Variants in AHCTF1 observed in about 807,000 individuals in gnomAD.
The protein encoded by AHCTF1 is protein ELYS.
In AHCTF1, 24 loss-of-function variants were observed where a neutral mutation model predicts 248.4. The ratio of observed to expected loss-of-function variants is 0.10; its 90% CI spans 0.07 to 0.14. The LOEUF (loss-of-function observed/expected upper bound fraction) is 0.14, where lower values mean the gene tolerates loss of function less well. Ranked by LOEUF, AHCTF1 falls within the 10% of genes least tolerant of loss-of-function variation. The pLI is 1.00. For synonymous variants in AHCTF1, 786 were observed against 929.8 expected, an observed-to-expected ratio of 0.85 and a Z score of 2.81; for missense variants, 2,206 against 2,636.2, an observed-to-expected ratio of 0.84 and a Z score of 3.57.
chr1:246,914,621 GTGAT>G (rs955492783), intron 3 of AHCTF1, among the ~76,000 whole-genome samples: 7 of 152,196 alleles, frequency 4.6e-5, no homozygotes, highest in Non-Finnish European at 1.0e-4. Flanking sequence ...ACTATATGAA[GTGAT>G]TAATACTATT....
intron 13 of AHCTF1, among the ~76,000 whole-genome samples, chr1:246,895,196 T>C (rs894370575): frequency 1.3e-5 from 2 of 152,150 alleles, no homozygotes; most frequent in African/African-American, 4.8e-5. Context: ...ATAAAGGACA[T>C]TACTGGGATT....
chr1:246,899,244 A>G (rs1664827134), intron 11 of AHCTF1, among the ~76,000 whole-genome samples: 1 of 152,172 alleles, frequency 6.6e-6, no homozygotes, highest in Admixed American at 6.5e-5. Flanking sequence ...ATCTACATAA[A>G]TTAGTTGCTA....
intron 24 of AHCTF1, among the ~76,000 whole-genome samples, chr1:246,873,579 G>A (rs969720040): frequency 2.6e-5 from 4 of 152,110 alleles, no homozygotes; most frequent in African/African-American, 9.6e-5. Context: ...CAATACACTA[G>A]TCAATTTCTC....
At chr1:246,911,795 A>T (rs1312125227) in intron 4 of AHCTF1, among the ~76,000 whole-genome samples, 1 of 151,034 alleles carries the variant, frequency 6.6e-6, no homozygotes, top group Non-Finnish European at 1.5e-5. Context: ...TTCTATTAAG[A>T]TATTTTAAAG....
Position 246,849,853 on chromosome 1 carries a change from C to T in AHCTF1, c.6153G>A (p.Lys2051=), listed in dbSNP as rs773785342. ...VMSSKKKLTK[K]TESQSQKRSL... The stretch of plus-strand genomic sequence containing the variant: ...AACGTTTTTGGCTTTGACTTTCAGT[C>T]TTTTTTGTAAGTTTTTTCTTAGAGC... Residue 2051 remains lysine, a synonymous_variant, in exon 33 of 36, where the codon AAG becomes AAA. Transcript: ENST00000648844. The T allele has an allele frequency of 4.3e-6, 7 of 1,613,826 alleles. No homozygotes were observed. Among genetic ancestry groups the T allele is most frequent in the Middle Eastern group, 1.7e-4 (1 of 6,056 alleles).
At position 246,850,807 on chromosome 1, in the gene AHCTF1, G is replaced by C. The variant is rs147981044; in HGVS notation, c.5199C>G (p.Asp1733Glu). The C allele has an allele frequency of 1.9e-6, 3 of 1,613,638 alleles. No homozygotes were observed. Among genetic ancestry groups the C allele is most frequent in the Admixed American group, 3.3e-5 (2 of 59,978 alleles). ...TCGTACGAGTTTTGGAGGAAACCAC[G>C]TCATCAACCTGGCTGACATTCATAG... Reference protein sequence around the residue: ...TMTMNVSQVDDVVSSKTRTRG... With the variant: ...TMTMNVSQVDEVVSSKTRTRG... Residue 1733 changes from aspartate to glutamate, a missense_variant, in exon 33 of 36, where the codon GAC becomes GAG. By Grantham distance (45) the Asp-to-Glu change is conservative. This residue lies in a region of AHCTF1 where 955 missense variants were observed against 1,055.6 expected (regional missense o/e 0.90). Coordinates refer to ENST00000648844, the MANE Select transcript of AHCTF1 (RefSeq NM_001323342.2).
chr1:246,921,082 A>T (rs970216337), intron 1 of AHCTF1, among the ~76,000 whole-genome samples: 20 of 152,162 alleles, frequency 1.3e-4, no homozygotes, highest in African/African-American at 4.8e-4. Context: ...ACAAGAGTGA[A>T]ACTCTGACAC....
intron 31 of AHCTF1, among the ~76,000 whole-genome samples, chr1:246,854,292 C>CT (rs1367760261): frequency 1.7e-5 from 2 of 119,522 alleles, no homozygotes; most frequent in Non-Finnish European, 3.2e-5. Flanking sequence ...GAGCGAGACT[C>CT]TGTTTCAAAA....
At chr1:246,930,785 G>A (rs959993874) in intron 1 of AHCTF1, among the ~76,000 whole-genome samples, 2 of 151,972 alleles carry the variant, frequency 1.3e-5, no homozygotes, top group African/African-American at 4.8e-5. Flanking sequence ...TTTCCCCAAA[G>A]GATTTACGTT....
chr1:246,910,358 T>A (rs568767405), intron 4 of AHCTF1, among the ~76,000 whole-genome samples: 69 of 152,310 alleles, frequency 4.5e-4, no homozygotes, highest in Middle Eastern at 6.8e-3. Context: ...ACAATCCAAA[T>A]GTAAAAAGAT....
chr1:246,846,662 C>T (rs1660282083), intron 33 of AHCTF1, among the ~76,000 whole-genome samples: 1 of 150,772 alleles, frequency 6.6e-6, no homozygotes, highest in Non-Finnish European at 1.5e-5. Context: ...ATCTGTGGCA[C>T]ATTTGTGAGA....
chr1:246,861,326 T>A, intron 28 of AHCTF1, 31 bp from the exon 29 acceptor site: 1 of 1,551,328 alleles, frequency 6.4e-7, no homozygotes. Flanking sequence ...AAGAAAAAAA[T>A]TAGTAAATAT....
At chr1:246,886,798 G>A (rs1000411783) in intron 20 of AHCTF1, among the ~76,000 whole-genome samples, 1 of 152,206 alleles carries the variant, frequency 6.6e-6, no homozygotes, top group South Asian at 2.1e-4. Flanking sequence ...AATGATAACT[G>A]TATTTTAAAG....
chr1:246,880,393 G>A (rs1359652757), intron 21 of AHCTF1, among the ~76,000 whole-genome samples: 1 of 151,604 alleles, frequency 6.6e-6, no homozygotes, highest in East Asian at 1.9e-4. Context: ...TAAAAACCCC[G>A]TCTCTACTAA....
Position 246,907,063 on chromosome 1 carries a change from A to G in AHCTF1, c.764+488T>C, listed in dbSNP as rs116554934. On this transcript the variant is annotated intron_variant, in intron 5 of 35. Coordinates refer to ENST00000648844, the MANE Select transcript of AHCTF1 (RefSeq NM_001323342.2). Reference sequence around the variant, plus strand: ...ATACAGTCTAGTAACACAAACCTAGATGAGATAGCCTACTATATACCTAGG... The same window carrying G: ...ATACAGTCTAGTAACACAAACCTAGGTGAGATAGCCTACTATATACCTAGG... Among the ~76,000 whole-genome samples the G allele has an allele frequency of 1.4e-3, 208 of 152,328 alleles. 1 individual carries two copies. Among genetic ancestry groups the G allele is most frequent in the African/African-American group, 4.9e-3 (202 of 41,570 alleles).
intron 1 of AHCTF1, among the ~76,000 whole-genome samples, chr1:246,920,626 C>T (rs1244983228): frequency 1.3e-5 from 2 of 151,790 alleles, no homozygotes; most frequent in East Asian, 1.9e-4. Context: ...AAAAATTAGC[C>T]GAGCGTGGTG....
At chr1:246,870,908 G>C (rs1039220806) in intron 24 of AHCTF1, among the ~76,000 whole-genome samples, 3 of 152,060 alleles carry the variant, frequency 2.0e-5, no homozygotes, top group Non-Finnish European at 2.9e-5. Flanking sequence ...TTTATAAAAA[G>C]CTACAAGAGC....
intron 33 of AHCTF1, among the ~76,000 whole-genome samples, chr1:246,848,538 T>C (rs568115885): frequency 6.6e-6 from 1 of 151,740 alleles, no homozygotes; most frequent in African/African-American, 2.4e-5. Flanking sequence ...TGAACTGCTT[T>C]GCTGAAATTC....
At chr1:246,890,608 C>T (rs1477345450) in intron 16 of AHCTF1, among the ~76,000 whole-genome samples, 1 of 151,880 alleles carries the variant, frequency 6.6e-6, no homozygotes, top group Non-Finnish European at 1.5e-5. Context: ...TTAAAAGGAC[C>T]ATTACCAGGA....
Sources: allele counts gnomAD v4.1 joint callset (sites outside exome capture counted in the v4.1 genomes callset), GRCh38; gene constraint gnomAD v4.1.1; regional missense constraint gnomAD v4.1.1; transcripts MANE v1.5; gene names NCBI Gene and HGNC (gene_info 2026-07-23, HGNC 2026-07-21).